The following DPP6 variants were observed in gnomAD, a reference collection of about 807,000 sequenced individuals.
The protein encoded by DPP6 is A-type potassium channel modulatory protein DPP6.
Under a neutral mutation model 122.6 loss-of-function variants are expected in DPP6, and 69 were observed. The observed-to-expected ratio is 0.56, with a 90% confidence interval of 0.46 to 0.69. The LOEUF is 0.69. Among genes scored for constraint, DPP6 ranks in the 30% least tolerant of loss-of-function variants. The probability of loss-of-function intolerance (pLI) is 0.00; values close to 1 mark genes in which losing one functional copy is unlikely to be tolerated. For missense variants in DPP6, 928 were observed against 1,116.9 expected (o/e 0.83, Z 2.41); for synonymous variants, 418 against 433.1 (o/e 0.97, Z 0.43).
At chr7:153,802,213 C>T in the DPP6 span, among the ~76,000 whole-genome samples, 3 of 152,284 alleles carry the variant, frequency 2.0e-5, no homozygotes, top group African/African-American at 7.2e-5. Flanking sequence ...CCACCAGAAA[C>T]TTTGTTTCCT....
intron 5 of DPP6, among the ~76,000 whole-genome samples, chr7:154,617,970 C>T (rs564463014): frequency 3.0e-4 from 46 of 152,154 alleles, no homozygotes; most frequent in Admixed American, 2.7e-3. Context: ...AGTGACCAGT[C>T]GAGAGCTAGG....
At chr7:154,735,736 TC>T (rs1376090692) in intron 8 of DPP6, among the ~76,000 whole-genome samples, 17 of 152,364 alleles carry the variant, frequency 1.1e-4, no homozygotes, top group African/African-American at 3.8e-4. Context: ...AGAGTTCCAT[TC>T]CTTCTGTGCT....
At chr7:154,179,110 C>G (rs186859808) in intron 1 of DPP6, among the ~76,000 whole-genome samples, 8 of 152,318 alleles carry the variant, frequency 5.3e-5, no homozygotes, top group Admixed American at 6.5e-5. Context: ...ATTCCCCTTT[C>G]CCTGGGCTGT....
chr7:154,540,458 C>A (rs974883667), intron 3 of DPP6, 74 bp from the exon 4 acceptor site: 8 of 918,550 alleles, frequency 8.7e-6, no homozygotes, highest in Non-Finnish European at 1.4e-5. Context: ...TTTTACTTTA[C>A]ATAAGCATTC....
chr7:154,108,251 G>A (rs1806312002), intron 1 of DPP6, among the ~76,000 whole-genome samples: 1 of 152,106 alleles, frequency 6.6e-6, no homozygotes, highest in Non-Finnish European at 1.5e-5. Context: ...CCTCTGGCAG[G>A]CCAGCCTCTC....
chr7:153,843,011 T>C, the DPP6 span, among the ~76,000 whole-genome samples: 2 of 151,622 alleles, frequency 1.3e-5, no homozygotes, highest in Non-Finnish European at 1.5e-5. Context: ...CATACACACA[T>C]ACACACAAGC....
rs187700230 is a variant in DPP6, at chr7:154,619,088, T to C, written c.628-18733T>C. Among the ~76,000 whole-genome samples the C allele has an allele frequency of 8.4e-3, 1,276 of 152,346 alleles. 60 individuals are homozygous for C. The highest frequency in any genetic ancestry group is 0.077 in the Admixed American group (1,173 of 15,294). Reference sequence around the variant, plus strand: ...GTAAGATGTGACTTTGCTCCTCATTTGCCTTCAGCCATGATGATGAGGCCT... The same window carrying C: ...GTAAGATGTGACTTTGCTCCTCATTCGCCTTCAGCCATGATGATGAGGCCT... On this transcript the variant is annotated intron_variant, in intron 5 of 25. Coordinates refer to ENST00000377770, the MANE Select transcript of DPP6 (RefSeq NM_130797.4).
rs1363834953 is a variant in DPP6, at chr7:154,660,720, A to G, written c.681-8640A>G. On this transcript the variant is annotated intron_variant, in intron 6 of 25. Transcript: ENST00000377770. ...CCATGGCATATTGGCGCTAGTATTC[A>G]TATAGTCATGGTGAATCACCATGGC... 3.0e-4 allele frequency among the ~76,000 whole-genome samples: 26 copies of G among 85,666 alleles called. 1 individual carries two copies. Among genetic ancestry groups the G allele is most frequent in the Non-Finnish European group, 9.3e-5 (4 of 42,906 alleles). The allele number at this position is 85,666 out of a possible 152,430, so 56.2% of individuals were successfully genotyped here.
chr7:153,881,054 A>G, the DPP6 span, among the ~76,000 whole-genome samples: 62 of 152,358 alleles, frequency 4.1e-4, no homozygotes, highest in African/African-American at 1.3e-3. Context: ...TTAAAATTTA[A>G]TATGTCGATT....
At chr7:154,491,541 T>C (rs186006668) in intron 3 of DPP6, among the ~76,000 whole-genome samples, 6 of 152,300 alleles carry the variant, frequency 3.9e-5, no homozygotes, top group Non-Finnish European at 8.8e-5. Context: ...TCCTTTGCCA[T>C]TGGAGCCTAC....
chr7:154,782,049 G>C (rs1368608462), intron 10 of DPP6, among the ~76,000 whole-genome samples: 4 of 152,200 alleles, frequency 2.6e-5, no homozygotes, highest in African/African-American at 7.2e-5. Context: ...CCTCAGCCAG[G>C]CTGTGCCATT....
At chr7:154,261,616 G>A (rs1353954032) in intron 1 of DPP6, among the ~76,000 whole-genome samples, 1 of 152,044 alleles carries the variant, frequency 6.6e-6, no homozygotes, top group Non-Finnish European at 1.5e-5. Flanking sequence ...CACAGAGTGG[G>A]GGAAAATCTT....
At position 154,603,503 on chromosome 7, in the gene DPP6, C is replaced by T. The variant is rs1180582350; in HGVS notation, c.628-34318C>T. Reference sequence around the variant, plus strand: ...CCAATGTGGTGAAACCCCATCTCTACTAAAAATACAACAAAAATTAGCCGA... The same window carrying T: ...CCAATGTGGTGAAACCCCATCTCTATTAAAAATACAACAAAAATTAGCCGA... On this transcript the variant is annotated intron_variant, in intron 5 of 25. Transcript: ENST00000377770. Among the ~76,000 whole-genome samples, 2 of 114,658 alleles carry T rather than the reference C, an allele frequency of 1.7e-5. 1 individual carries two copies. The highest frequency in any genetic ancestry group is 3.9e-5 in the Non-Finnish European group (2 of 51,752). The allele number at this position is 114,658 out of a possible 152,430, so 75.2% of individuals were successfully genotyped here. A position where few individuals can be genotyped will look rare whatever the true frequency, so the allele number is the denominator to read the frequency against.
intron 1 of DPP6, among the ~76,000 whole-genome samples, chr7:154,327,266 G>A (rs138088084): frequency 1.3e-5 from 2 of 152,342 alleles, no homozygotes; most frequent in Non-Finnish European, 2.9e-5. Context: ...GCCGTGTTAA[G>A]TGCTTTGTAG....
At chr7:154,477,329 G>A (rs548622721) in intron 3 of DPP6, among the ~76,000 whole-genome samples, 6 of 151,850 alleles carry the variant, frequency 4.0e-5, no homozygotes, top group East Asian at 1.9e-4. Flanking sequence ...TCTCCTTCTC[G>A]TGGAGAGGCA....
At chr7:154,795,995 G>A in intron 12 of DPP6, 112 bp downstream of exon 12, 3 of 1,452,448 alleles carry the variant, frequency 2.1e-6, no homozygotes, top group Non-Finnish European at 2.7e-6. Flanking sequence ...ATCACACAGG[G>A]CTCCCCAGGC....
intron 1 of DPP6, among the ~76,000 whole-genome samples, chr7:153,992,957 A>G (rs897331503): frequency 3.3e-5 from 5 of 152,006 alleles, no homozygotes; most frequent in African/African-American, 4.8e-5. Flanking sequence ...CAATTTTCTT[A>G]ACTTGAAGTC....
exon 1 of DPP6, chr7:153,887,414 A>G (rs1003000214): frequency 1.1e-5 from 4 of 379,566 alleles, no homozygotes; most frequent in African/African-American, 6.1e-5. Flanking sequence ...TTTTGTTTAA[A>G]GCAACACCCA....
chr7:154,713,600 G>A (rs1032623301), intron 7 of DPP6, among the ~76,000 whole-genome samples: 3 of 152,256 alleles, frequency 2.0e-5, no homozygotes, highest in Admixed American at 2.0e-4. Flanking sequence ...ACCCTCTGAA[G>A]CAATGGCCCA....
Sources: gnomAD v4.1 joint callset for allele counts (sites outside exome capture counted in the v4.1 genomes callset) on GRCh38, gnomAD v4.1.1 for gene constraint, MANE v1.5 for transcripts, NCBI Gene and HGNC (gene_info 2026-07-23, HGNC 2026-07-21) for gene names.